Variants in CNR2 observed in about 807,000 individuals in gnomAD.
CNR2 encodes cannabinoid receptor 2 (macrophage).
For missense variants in CNR2, 379 were observed against 439.9 expected (o/e 0.86, Z 1.24); for synonymous variants, 172 against 182.2 (o/e 0.94, Z 0.45).
intron 1 of CNR2, among the ~76,000 whole-genome samples, chr1:23,898,505 C>T (rs1257515529): frequency 6.7e-6 from 1 of 148,702 alleles, no homozygotes; most frequent in South Asian, 2.1e-4. Flanking sequence ...CCACGCCCGG[C>T]TAATTTTTTG....
intron 1 of CNR2, among the ~76,000 whole-genome samples, chr1:23,888,477 G>A (rs182257492): frequency 7.6e-4 from 115 of 152,192 alleles, no homozygotes; most frequent in South Asian, 4.1e-4. Context: ...CGGTCCTTTC[G>A]AGGCATATTT....
chr1:23,908,475 C>A (rs2501414), intron 1 of CNR2, among the ~76,000 whole-genome samples: 135,828 of 152,082 alleles, frequency 0.89, 62,555 homozygotes, highest in East Asian at 1. Context: ...AATCTTTTAA[C>A]TATTACAATA....
chr1:23,905,876 CA>C (rs1329691745), intron 1 of CNR2, among the ~76,000 whole-genome samples: 2 of 152,186 alleles, frequency 1.3e-5, no homozygotes, highest in African/African-American at 4.8e-5. Flanking sequence ...ACACATGTTG[CA>C]ATCTCTGGCC....
intron 1 of CNR2, among the ~76,000 whole-genome samples, chr1:23,899,991 GAAAGAAAGA>G: frequency 7.8e-6 from 1 of 127,798 alleles, no homozygotes; most frequent in Non-Finnish European, 1.5e-5. Context: ...AGAAAGAAAA[GAAAGAAAGA>G]AAGGAAGGAA....
In CNR2 at chr1:23,874,493, C is replaced by T. The variant is rs2229583; in HGVS notation, c.*42G>A. 934,210 of 1,569,648 alleles carry T rather than the reference C, an allele frequency of 0.6. 281,539 individuals carry two copies. Among genetic ancestry groups the T allele is most frequent in the African/African-American group, 0.78 (57,584 of 73,392 alleles). ...CCCTCTCTCTCTTCCAGGGAGTGAA[C>T]TGATTTCTGACTTGAGTTGTTTAAA... On this transcript the variant is annotated 3_prime_UTR_variant, in exon 2 of 2. Transcript: ENST00000374472.
intron 1 of CNR2, 148 bp from the exon 2 acceptor site, chr1:23,875,810 C>A: frequency 1.4e-6 from 1 of 693,832 alleles, no homozygotes; most frequent in Non-Finnish European, 2.3e-6. Flanking sequence ...CTGTATTTTG[C>A]CCTTTCTCCA....
chr1:23,872,806 C>T lies in CNR2; in HGVS notation c.*1729G>A, dbSNP rs1056665485. ...CCGGCACATGGTAGGTCTATCCTAC[C>T]GTTTATTGAGTTAACTCAATTAATC... is the stretch of plus-strand genomic sequence containing the variant. On this transcript the variant is annotated 3_prime_UTR_variant, in exon 2 of 2. Coordinates refer to ENST00000374472, the MANE Select transcript of CNR2 (RefSeq NM_001841.3). The T allele has an allele frequency of 2.0e-5, 3 of 152,128 alleles. No individual in the cohort carries two copies. Among genetic ancestry groups the T allele is most frequent in the African/African-American group, 4.8e-5 (2 of 41,414 alleles). The allele number at this position is 152,128 out of a possible 1,614,324, so 9.4% of individuals were successfully genotyped here. A position where few individuals can be genotyped will look rare whatever the true frequency, so the allele number is the denominator to read the frequency against.
intron 1 of CNR2, among the ~76,000 whole-genome samples, chr1:23,911,074 A>T (rs1353337364): frequency 6.8e-6 from 1 of 147,984 alleles, no homozygotes; most frequent in Non-Finnish European, 1.5e-5. Flanking sequence ...GGGTGAGAGT[A>T]GGAAGCAGAA....
intron 1 of CNR2, among the ~76,000 whole-genome samples, chr1:23,899,392 G>GGGAATA: frequency 6.6e-6 from 1 of 152,250 alleles, no homozygotes; most frequent in South Asian, 2.1e-4. Context: ...GTTCATTCCT[G>GGGAATA]GGCTGAACTA....
At chr1:23,883,231 G>A (rs563173694) in intron 1 of CNR2, among the ~76,000 whole-genome samples, 1 of 152,316 alleles carries the variant, frequency 6.6e-6, no homozygotes, top group African/African-American at 2.4e-5. Flanking sequence ...GAGAAGGCGT[G>A]GAGCCAAAAG....
chr1:23,889,119 T>C (rs1433743115), intron 1 of CNR2, among the ~76,000 whole-genome samples: 4 of 152,158 alleles, frequency 2.6e-5, no homozygotes, highest in Admixed American at 1.3e-4. Context: ...TGTTAGGGGC[T>C]GCAGCCTACA....
At chr1:23,908,738 TG>T (rs1450430657) in intron 1 of CNR2, among the ~76,000 whole-genome samples, 2 of 152,248 alleles carry the variant, frequency 1.3e-5, no homozygotes, top group East Asian at 3.9e-4. Context: ...TTGCTCTCAG[TG>T]GGCTCTATTC....
At chr1:23,906,180 C>G (rs1281830821) in intron 1 of CNR2, among the ~76,000 whole-genome samples, 2 of 152,104 alleles carry the variant, frequency 1.3e-5, no homozygotes, top group Non-Finnish European at 2.9e-5. Flanking sequence ...GTCTTCCCCC[C>G]TCAGACTCTC....
chr1:23,876,973 A>G (rs1237850984), intron 1 of CNR2, among the ~76,000 whole-genome samples: 1 of 152,148 alleles, frequency 6.6e-6, no homozygotes, highest in African/African-American at 2.4e-5. Flanking sequence ...CAAACTAAAC[A>G]TTTATTTGGA....
At chr1:23,893,953 T>C in intron 1 of CNR2, among the ~76,000 whole-genome samples, 1 of 150,886 alleles carries the variant, frequency 6.6e-6, no homozygotes, top group Non-Finnish European at 1.5e-5. Context: ...AAACTCCATC[T>C]CTACAAAAAA....
intron 1 of CNR2, among the ~76,000 whole-genome samples, chr1:23,889,533 A>G (rs2148464107): frequency 6.6e-6 from 1 of 152,292 alleles, no homozygotes; most frequent in South Asian, 2.1e-4. Context: ...TATATTGCTC[A>G]GGCTGGTCTC....
intron 1 of CNR2, among the ~76,000 whole-genome samples, chr1:23,903,192 C>T (rs1453135797): frequency 1.3e-5 from 2 of 152,126 alleles, no homozygotes; most frequent in Non-Finnish European, 2.9e-5. Context: ...CAGGCCTGGC[C>T]GCAGCAATAA....
rs544024777 is a variant in CNR2 at position 23,900,070 on chromosome 1, C to G, written c.-46+13176G>C. Reference sequence around the variant, plus strand: ...TCTGACCCTCCCTAAACTGCTCCTGCGATCAGTGCTTGAGATACTTTGCAG... The same window carrying G: ...TCTGACCCTCCCTAAACTGCTCCTGGGATCAGTGCTTGAGATACTTTGCAG... On this transcript the variant is annotated intron_variant, in intron 1 of 1. Coordinates refer to ENST00000374472, the MANE Select transcript of CNR2 (RefSeq NM_001841.3). Among the ~76,000 whole-genome samples, 77 of 151,320 alleles carry G rather than the reference C, an allele frequency of 5.1e-4. 1 individual carries two copies. Among genetic ancestry groups the G allele is most frequent in the African/African-American group, 1.8e-3 (75 of 41,240 alleles).
At chr1:23,885,394 C>T (rs1640069525) in intron 1 of CNR2, among the ~76,000 whole-genome samples, 1 of 152,036 alleles carries the variant, frequency 6.6e-6, no homozygotes, top group African/African-American at 2.4e-5. Flanking sequence ...TAAATCCTAC[C>T]CAGTGACCTC....
Sources: allele counts gnomAD v4.1 joint callset (sites outside exome capture counted in the v4.1 genomes callset), GRCh38; gene constraint gnomAD v4.1.1; transcripts MANE v1.5; gene names NCBI Gene and HGNC (gene_info 2026-07-23, HGNC 2026-07-21).